DHRS7B: variants seen among roughly 807,000 people sequenced by gnomAD.
DHRS7B encodes the protein dehydrogenase/reductase 7B.
A neutral mutation model predicts 26.4 loss-of-function variants in DHRS7B; 24 were observed. That is an observed-to-expected ratio of 0.91 (90% CI 0.66 to 1.28). The LOEUF (loss-of-function observed/expected upper bound fraction) is 1.28, where lower values mean the gene tolerates loss of function less well. Ranked by LOEUF, DHRS7B falls within the 50% of genes most tolerant of loss-of-function variation. The pLI, the probability that DHRS7B is intolerant of heterozygous loss-of-function variation, is 0.00. For missense variants in DHRS7B, 368 were observed against 419.4 expected (o/e 0.88, Z 1.07); for synonymous variants, 142 against 166.4 (o/e 0.85, Z 1.13).
intron 1 of DHRS7B, among the ~76,000 whole-genome samples, chr17:21,165,066 A>G (rs1476174686): frequency 2.0e-5 from 3 of 152,170 alleles, no homozygotes; most frequent in Non-Finnish European, 4.4e-5. Flanking sequence ...GTGCTTTCCT[A>G]TGCATTTTCC....
At chr17:21,132,573 G>T (rs117371238) in intron 1 of DHRS7B, among the ~76,000 whole-genome samples, 2 of 150,724 alleles carry the variant, frequency 1.3e-5, no homozygotes, top group East Asian at 3.9e-4. Context: ...GGGAAGTGAG[G>T]TGTAGAAAGA....
At position 21,138,091 on chromosome 17, in the gene DHRS7B, T is replaced by TACAC. The variant is rs1207234984; in HGVS notation, c.20+11101_20+11102insCACA. Among the ~76,000 whole-genome samples, 488 of 53,276 alleles carry TACAC rather than the reference T, an allele frequency of 9.2e-3. 3 individuals are homozygous for TACAC. The highest frequency in any genetic ancestry group is 0.021 in the South Asian group (31 of 1,478). 35.0% of individuals were successfully genotyped at this position (53,276 alleles called of 152,430 possible). A position where few individuals can be genotyped will look rare whatever the true frequency, so the allele number is the denominator to read the frequency against. On this transcript the variant is annotated intron_variant, in intron 1 of 6. Coordinates refer to ENST00000395511, the MANE Select transcript of DHRS7B (RefSeq NM_015510.5). ...TAAAAAAAAAATATATATATATATA[T>TACAC]ATATATATATACACACACACACACA...
intron 1 of DHRS7B, 110 bp from the exon 2 acceptor site, chr17:21,171,908 G>A (rs773563606): frequency 3.0e-6 from 4 of 1,335,054 alleles, no homozygotes; most frequent in Admixed American, 3.5e-5. Flanking sequence ...CTTAGAGCTG[G>A]AGTCCACAGA....
At chr17:21,143,074 A>G (rs968185663) in intron 1 of DHRS7B, among the ~76,000 whole-genome samples, 1 of 152,150 alleles carries the variant, frequency 6.6e-6, no homozygotes, top group African/African-American at 2.4e-5. Context: ...GATTACAGGC[A>G]CCTGCCACCA....
At position 21,172,127 on chromosome 17, in the gene DHRS7B, G is replaced by C; in HGVS notation, c.130G>C (p.Val44Leu). 1 of 1,614,152 alleles carries C rather than the reference G, an allele frequency of 6.2e-7. No homozygotes were observed. ...VFGLFRLLQWVRGKAYLRNAV... is the reference protein window; with the variant it reads ...VFGLFRLLQWLRGKAYLRNAV... ...CGGCCTCTTCCGGCTGCTGCAGTGG[G>C]TGCGCGGGAAGGCCTACCTGCGGAA... The change falls in exon 2 of 7, where the codon GTG becomes CTG. Residue 44 changes from valine to leucine, a missense_variant. Val to Leu is a conservative substitution (Grantham distance 32, BLOSUM62 1). Coordinates refer to ENST00000395511, the MANE Select transcript of DHRS7B (RefSeq NM_015510.5).
chr17:21,136,145 C>CA (rs1973335062), intron 1 of DHRS7B, among the ~76,000 whole-genome samples: 1 of 151,542 alleles, frequency 6.6e-6, no homozygotes, highest in Admixed American at 6.6e-5. Context: ...CTAATAATAC[C>CA]AAAAAAATTA....
At chr17:21,184,084 A>G (rs1597758226) in intron 4 of DHRS7B, among the ~76,000 whole-genome samples, 2 of 152,278 alleles carry the variant, frequency 1.3e-5, no homozygotes, top group East Asian at 3.9e-4. Flanking sequence ...ATGTCCCACC[A>G]TGGATTTCAG....
intron 3 of DHRS7B, 101 bp downstream of exon 3, chr17:21,178,443 ATCCATGCGTCACACTG>A: frequency 1.1e-6 from 1 of 938,444 alleles, no homozygotes; most frequent in Non-Finnish European, 1.7e-6. Flanking sequence ...GCTGTAGGAC[ATCCATGCGTCACACTG>A]TCCCAGGGAA....
At chr17:21,164,625 T>G (rs1383572048) in intron 1 of DHRS7B, among the ~76,000 whole-genome samples, 1 of 152,254 alleles carries the variant, frequency 6.6e-6, no homozygotes, top group Non-Finnish European at 1.5e-5. Flanking sequence ...GCTTGTACTT[T>G]GGACAGCCCA....
At chr17:21,132,304 C>T (rs1973246006) in intron 1 of DHRS7B, among the ~76,000 whole-genome samples, 1 of 149,416 alleles carries the variant, frequency 6.7e-6, no homozygotes. Flanking sequence ...AGTTTGAGAC[C>T]ACCCTGGGCA....
chr17:21,130,854 A>C (rs1427184107), intron 1 of DHRS7B, among the ~76,000 whole-genome samples: 1 of 152,088 alleles, frequency 6.6e-6, no homozygotes, highest in African/African-American at 2.4e-5. Flanking sequence ...GCAAAAATGA[A>C]CTCTCTATTC....
intron 2 of DHRS7B, 116 bp downstream of exon 2, chr17:21,172,312 G>A (rs1356853096): frequency 7.7e-7 from 1 of 1,301,428 alleles, no homozygotes; most frequent in Admixed American, 2.0e-5. Flanking sequence ...CAGAAGGCCA[G>A]ATAAGGGAAG....
intron 6 of DHRS7B, 132 bp downstream of exon 6, chr17:21,188,995 A>G: frequency 1.6e-6 from 2 of 1,243,468 alleles, no homozygotes; most frequent in Non-Finnish European, 2.3e-6. Context: ...AAAACTTGAC[A>G]GAGGTGTTGG....
intron 1 of DHRS7B, among the ~76,000 whole-genome samples, chr17:21,169,644 G>C (rs1974192674): frequency 6.6e-6 from 1 of 152,162 alleles, no homozygotes; most frequent in African/African-American, 2.4e-5. Flanking sequence ...TCTGAGTTTT[G>C]AGAAGCGACA....
intron 1 of DHRS7B, among the ~76,000 whole-genome samples, chr17:21,146,466 T>C (rs1973646556): frequency 6.6e-6 from 1 of 152,190 alleles, no homozygotes; most frequent in Admixed American, 6.5e-5. Flanking sequence ...TCTGCAGTCT[T>C]ATAAGGTAGA....
intron 1 of DHRS7B, among the ~76,000 whole-genome samples, chr17:21,156,441 A>G (rs1344625645): frequency 6.6e-6 from 1 of 151,880 alleles, no homozygotes; most frequent in African/African-American, 2.4e-5. Flanking sequence ...CCACATCTCT[A>G]CAAAAATACA....
intron 1 of DHRS7B, among the ~76,000 whole-genome samples, chr17:21,133,339 GGAGACAT>G (rs937492238): frequency 2.6e-5 from 4 of 152,132 alleles, no homozygotes; most frequent in African/African-American, 7.2e-5. Context: ...TACATTTTAG[GGAGACAT>G]GAGACATCAA....
intron 1 of DHRS7B, among the ~76,000 whole-genome samples, chr17:21,150,105 T>TAAAAAAAAAAAAAA (rs61516968): frequency 2.0e-5 from 1 of 50,074 alleles, no homozygotes; most frequent in African/African-American, 7.5e-5. Flanking sequence ...CATCTCTATT[T>TAAAAAAAAAAAAAA]AAAAAAAAAA....
intron 1 of DHRS7B, among the ~76,000 whole-genome samples, chr17:21,129,704 C>CAAAAAAAAAAAAAAAAAAAA (rs61077377): frequency 4.2e-4 from 31 of 74,688 alleles, no homozygotes; most frequent in Non-Finnish European, 5.5e-4. Flanking sequence ...GACCCTGACT[C>CAAAAAAAAAAAAAAAAAAAA]AAAAAAAAAA....
Sources: allele counts gnomAD v4.1 joint callset (sites outside exome capture counted in the v4.1 genomes callset), GRCh38; gene constraint gnomAD v4.1.1; transcripts MANE v1.5; gene names NCBI Gene and HGNC (gene_info 2026-07-23, HGNC 2026-07-21).